ADAMTSL1: variants seen among roughly 807,000 people sequenced by gnomAD.
ADAMTSL1 encodes ADAMTS-like protein 1.
Under a neutral mutation model 201.8 loss-of-function variants are expected in ADAMTSL1, and 126 were observed. That is an observed-to-expected ratio of 0.62 (90% CI 0.54 to 0.72). The LOEUF is 0.72. Ranked by LOEUF, ADAMTSL1 falls within the 30% of genes least tolerant of loss-of-function variation. The pLI, the probability that ADAMTSL1 is intolerant of heterozygous loss-of-function variation, is 0.00. For synonymous variants in ADAMTSL1, 1,121 were observed against 903.4 expected (o/e 1.24, Z -4.32); for missense variants, 2,679 against 2,277.8 (o/e 1.18, Z -3.59).
chr9:18,365,148 T>A (rs937191737), intron 2 of ADAMTSL1, among the ~76,000 whole-genome samples: 1 of 152,070 alleles, frequency 6.6e-6, no homozygotes, highest in Non-Finnish European at 1.5e-5. Flanking sequence ...CTCCAAACCA[T>A]AACCAACCTA....
intron 1 of ADAMTSL1, among the ~76,000 whole-genome samples, chr9:18,488,509 A>G (rs1822107865): frequency 6.6e-6 from 1 of 152,196 alleles, no homozygotes; most frequent in Non-Finnish European, 1.5e-5. Flanking sequence ...AGTGGTTAAG[A>G]GATAGACTGC....
At chr9:18,706,533 C>T in intron 13 of ADAMTSL1, 1 of 531,998 alleles carries the variant, frequency 1.9e-6, no homozygotes, top group East Asian at 3.0e-5. Flanking sequence ...GCTGGGAGTT[C>T]ATGTGACATT....
At chr9:18,465,677 T>C (rs1029957536) in intron 2 of ADAMTSL1, among the ~76,000 whole-genome samples, 1 of 152,202 alleles carries the variant, frequency 6.6e-6, no homozygotes, top group Non-Finnish European at 1.5e-5. Flanking sequence ...GCCATGTATG[T>C]TTGTACCAAA....
At chr9:18,077,255 G>A (rs991215726) in intron 1 of ADAMTSL1, among the ~76,000 whole-genome samples, 69 of 152,160 alleles carry the variant, frequency 4.5e-4, no homozygotes, top group African/African-American at 1.7e-3. Flanking sequence ...CTATACAAAT[G>A]GCATTTAAAG....
chr9:18,352,343 A>G (rs998672538), intron 2 of ADAMTSL1, among the ~76,000 whole-genome samples: 3 of 152,162 alleles, frequency 2.0e-5, no homozygotes, highest in African/African-American at 7.2e-5. Context: ...TTTGGAAATG[A>G]TTTGTAAGTA....
At chr9:17,943,721 T>C (rs1827337547) in intron 1 of ADAMTSL1, among the ~76,000 whole-genome samples, 1 of 152,124 alleles carries the variant, frequency 6.6e-6, no homozygotes, top group Non-Finnish European at 1.5e-5. Context: ...TAAATTCTAT[T>C]AGTATCTGTA....
chr9:18,627,344 G>T (rs930158053), intron 5 of ADAMTSL1, among the ~76,000 whole-genome samples: 1 of 152,066 alleles, frequency 6.6e-6, no homozygotes, highest in Non-Finnish European at 1.5e-5. Context: ...GTTTTTATTT[G>T]CATTTTCCTA....
At chr9:18,408,842 T>C (rs577003545) in intron 2 of ADAMTSL1, among the ~76,000 whole-genome samples, 23 of 152,304 alleles carry the variant, frequency 1.5e-4, no homozygotes, top group African/African-American at 5.5e-4. Context: ...AGAAATATGT[T>C]CTGCTGTGAT....
At chr9:18,349,698 C>T (rs572486627) in intron 2 of ADAMTSL1, among the ~76,000 whole-genome samples, 4 of 152,168 alleles carry the variant, frequency 2.6e-5, no homozygotes, top group African/African-American at 9.6e-5. Flanking sequence ...CCATTTCCAT[C>T]GGGCTGGAAT....
chr9:18,578,789 C>T (rs1198226120), intron 4 of ADAMTSL1, among the ~76,000 whole-genome samples: 2 of 151,294 alleles, frequency 1.3e-5, no homozygotes, highest in Non-Finnish European at 2.9e-5. Context: ...TTCTAGATCC[C>T]TGAGGAATCG....
chr9:18,009,707 C>G (rs112892691), intron 1 of ADAMTSL1, among the ~76,000 whole-genome samples: 1 of 151,978 alleles, frequency 6.6e-6, no homozygotes, highest in Non-Finnish European at 1.5e-5. Flanking sequence ...ACTAGCCACA[C>G]AGGCTAGAGG....
intron 23 of ADAMTSL1, among the ~76,000 whole-genome samples, chr9:18,886,075 C>T (rs1477351762): frequency 1.3e-5 from 2 of 150,196 alleles, no homozygotes; most frequent in African/African-American, 4.9e-5. Flanking sequence ...TCACTTGAGG[C>T]CAGGAGTTCA....
intron 1 of ADAMTSL1, among the ~76,000 whole-genome samples, chr9:18,006,845 A>G (rs1819848852): frequency 1.3e-5 from 2 of 152,038 alleles, no homozygotes; most frequent in African/African-American, 4.8e-5. Flanking sequence ...TAGGAGATTC[A>G]GAACTGATTT....
At chr9:18,449,472 A>G (rs1398466655) in intron 2 of ADAMTSL1, among the ~76,000 whole-genome samples, 1 of 152,044 alleles carries the variant, frequency 6.6e-6, no homozygotes, top group East Asian at 1.9e-4. Context: ...TTTCTCTTAG[A>G]GGAAACTTGT....
chr9:18,650,482 G>A (rs184455814), intron 7 of ADAMTSL1, among the ~76,000 whole-genome samples: 9 of 152,230 alleles, frequency 5.9e-5, no homozygotes, highest in East Asian at 1.9e-4. Flanking sequence ...CGTCTTCTGC[G>A]TAGCTCACGG....
chr9:18,254,770 G>C (rs1831617860), intron 2 of ADAMTSL1, among the ~76,000 whole-genome samples: 1 of 150,388 alleles, frequency 6.6e-6, no homozygotes, highest in Admixed American at 6.7e-5. Flanking sequence ...ATTAAGAACA[G>C]TTGGTATGTA....
chr9:18,028,935 A>T (rs1430083370), intron 1 of ADAMTSL1, among the ~76,000 whole-genome samples: 1 of 152,098 alleles, frequency 6.6e-6, no homozygotes, highest in African/African-American at 2.4e-5. Flanking sequence ...CTTTGATTTC[A>T]TTGAGCAGTG....
intron 1 of ADAMTSL1, among the ~76,000 whole-genome samples, chr9:18,021,501 G>T (rs1250032690): frequency 1.3e-5 from 2 of 152,256 alleles, no homozygotes; most frequent in East Asian, 3.9e-4. Flanking sequence ...TCAGTTGGTG[G>T]TTGGAACTGA....
chr9:18,022,258 G>T (rs1820508456), intron 1 of ADAMTSL1, among the ~76,000 whole-genome samples: 1 of 152,122 alleles, frequency 6.6e-6, no homozygotes, highest in South Asian at 2.1e-4. Context: ...ACCTCATGTT[G>T]ACCTTAGGGA....
Sources: allele counts gnomAD v4.1 joint callset (sites outside exome capture counted in the v4.1 genomes callset), GRCh38; gene constraint gnomAD v4.1.1; transcripts MANE v1.5; gene names NCBI Gene and HGNC (gene_info 2026-07-23, HGNC 2026-07-21).